The following CYP2B6 variants were observed in gnomAD, a reference collection of about 807,000 sequenced individuals.
CYP2B6 encodes cytochrome P450 2B6.
In CYP2B6, 35 loss-of-function variants were observed where a neutral mutation model predicts 43.4. The observed-to-expected ratio is 0.81, with a 90% CI of 0.62 to 1.07. The LOEUF (loss-of-function observed/expected upper bound fraction) is 1.07. CYP2B6 is among the 50% of genes least tolerant of loss of function. The pLI is 0.00. For synonymous variants in CYP2B6, 239 were observed against 239.2 expected (o/e 1.00, Z 0.01); for missense variants, 624 against 632.8 (o/e 0.99, Z 0.15).
At chr19:41,003,597 C>A (rs1386291937) in intron 1 of CYP2B6, among the ~76,000 whole-genome samples, 1 of 152,166 alleles carries the variant, frequency 6.6e-6, no homozygotes, top group Non-Finnish European at 1.5e-5. Context: ...GTTTAGGGCA[C>A]AAGCCAATCA....
intron 5 of CYP2B6, chr19:41,009,625 G>A: frequency 3.2e-6 from 2 of 623,298 alleles, no homozygotes; most frequent in Admixed American, 5.9e-5. Flanking sequence ...AGGGGAGGTG[G>A]GAAGACAGAA....
chr19:41,008,082 G>A (rs1269676653), intron 4 of CYP2B6, among the ~76,000 whole-genome samples: 156 of 150,420 alleles, frequency 1.0e-3, no homozygotes, highest in African/African-American at 3.7e-3. Flanking sequence ...TCCCCAGATT[G>A]TAAAGGCAGT....
chr19:40,992,201 C>CAAAAAA lies in CYP2B6; in HGVS notation c.171+740_171+745dup, dbSNP rs561830421. On this transcript the variant is annotated intron_variant, in intron 1 of 8. Transcript: ENST00000324071. ...TGGGTGACAGAGTGAGACTCCTTCT[C>CAAAAAA]AAAAAAAAAAAAAAAAAAAAGAATA... 3.1e-3 allele frequency among the ~76,000 whole-genome samples: 195 copies of CAAAAAA among 62,576 alleles called. 8 individuals carry two copies. The highest frequency in any genetic ancestry group is 9.0e-3 in the African/African-American group (165 of 18,384). The allele number at this position is 62,576 out of a possible 152,430, so 41.1% of individuals were successfully genotyped here.
At chr19:41,009,858 G>A in intron 5 of CYP2B6, 136 bp from the exon 6 acceptor site, 6 of 927,842 alleles carry the variant, frequency 6.5e-6, no homozygotes, top group South Asian at 2.8e-5. Flanking sequence ...ATGTGTAGAG[G>A]ACAGAGAAAA....
Position 41,009,339 on chromosome 19 carries a change from C to G in CYP2B6, c.766C>G (p.Leu256Val). 3 of 1,606,558 alleles carry G rather than the reference C, an allele frequency of 1.9e-6. No individual in the cohort carries two copies. The highest frequency in any genetic ancestry group is 2.6e-6 in the Non-Finnish European group (3 of 1,174,264). ...GHSVEKHRETLDPSAPKDLID... is the reference protein window; with the variant it reads ...GHSVEKHRETVDPSAPKDLID... ...CAGTGTGGAGAAGCACCGTGAAACCCTGGACCCCAGCGCCCCCAAGGACCT... is the reference window on the plus strand; with the variant it reads ...CAGTGTGGAGAAGCACCGTGAAACCGTGGACCCCAGCGCCCCCAAGGACCT... Residue 256 changes from leucine to valine, a missense_variant, in exon 5 of 9, where the codon CTG (leucine) becomes GTG (valine). Transcript: ENST00000324071.
rs1215515880 is a variant in CYP2B6, at chr19:41,006,294, A to C, written c.485-611A>C. 2.7e-5 allele frequency among the ~76,000 whole-genome samples: 4 copies of C among 149,314 alleles called. No individual in the cohort carries two copies. In the South Asian group the frequency reaches 8.4e-4, roughly 32 times the overall value. ...CAGCCCCTGGACTATTTCAACTGGG[A>C]CTACAGGCATGTGCCACCATGTCTA... is the stretch of plus-strand genomic sequence containing the variant. On this transcript the variant is annotated intron_variant, in intron 3 of 8. Transcript: ENST00000324071.
chr19:41,001,345 G>A (rs1310297206), intron 1 of CYP2B6, among the ~76,000 whole-genome samples: 1 of 152,034 alleles, frequency 6.6e-6, no homozygotes, highest in Non-Finnish European at 1.5e-5. Flanking sequence ...GGATCCTCTA[G>A]GTATTCACGA....
chr19:41,007,105 G>T, intron 4 of CYP2B6, 40 bp downstream of exon 4: 1 of 1,597,418 alleles, frequency 6.3e-7, no homozygotes, highest in Non-Finnish European at 8.6e-7. Context: ...TGGGGGTGAG[G>T]TGAACACCCA....
At chr19:40,999,367 A>G (rs1486249808) in intron 1 of CYP2B6, among the ~76,000 whole-genome samples, 1 of 151,612 alleles carries the variant, frequency 6.6e-6, no homozygotes, top group African/African-American at 2.4e-5. Context: ...CCCATTTTGT[A>G]GGTTGCCTGT....
Position 41,017,034 on chromosome 19 carries a change from A to G in CYP2B6, c.*207A>G. 2.6e-6 allele frequency: 1 copy of G among 380,728 alleles called. No homozygotes were observed. The highest frequency in any genetic ancestry group is 4.4e-5 in the East Asian group (1 of 22,494). 23.6% of individuals were successfully genotyped at this position (380,728 alleles called of 1,614,324 possible). On this transcript the variant is annotated 3_prime_UTR_variant, in exon 9 of 9. Coordinates refer to ENST00000324071, the MANE Select transcript of CYP2B6 (RefSeq NM_000767.5). ...ATCGAAAATTATAATATACAAAATC[A>G]TATATATATATATGTTCTTGTTTTT...
Position 41,016,826 on chromosome 19 carries a change from G to A in CYP2B6, c.1475G>A (p.Ter492=). ...TACCAGATCCGCTTCCTGCCCCGCT[G>A]AAGGGGCTGAGGGAAGGGGGTCAAA... ...PTYQIRFLPR[*] is the part of the protein sequence containing the mutation. Residue 492 remains the stop codon, a stop_retained_variant, in exon 9 of 9, where the codon TGA becomes TAA. Coordinates refer to ENST00000324071, the MANE Select transcript of CYP2B6 (RefSeq NM_000767.5). 2 of 1,613,780 alleles carry A rather than the reference G, an allele frequency of 1.2e-6. No individual in the cohort carries two copies. The highest frequency in any genetic ancestry group is 1.7e-6 in the Non-Finnish European group (2 of 1,179,804).
intron 1 of CYP2B6, among the ~76,000 whole-genome samples, chr19:41,001,249 C>T (rs1191179420): frequency 1.3e-5 from 2 of 152,030 alleles, no homozygotes; most frequent in Non-Finnish European, 1.5e-5. Context: ...AGCTGTGGCC[C>T]CCTCTTTTCC....
At chr19:41,006,681 C>T (rs1342532181) in intron 3 of CYP2B6, among the ~76,000 whole-genome samples, 1 of 152,062 alleles carries the variant, frequency 6.6e-6, no homozygotes, top group Non-Finnish European at 1.5e-5. Context: ...TCTCGGTCTG[C>T]CCATCTATAA....
chr19:40,997,503 C>A (rs1969015343), intron 1 of CYP2B6, among the ~76,000 whole-genome samples: 1 of 151,738 alleles, frequency 6.6e-6, no homozygotes, highest in Non-Finnish European at 1.5e-5. Context: ...TTAATGATAC[C>A]AAGTACAGAG....
intron 1 of CYP2B6, among the ~76,000 whole-genome samples, chr19:40,998,256 G>A (rs1014941681): frequency 2.0e-5 from 3 of 152,048 alleles, no homozygotes; most frequent in Non-Finnish European, 4.4e-5. Context: ...CACAAATCAT[G>A]CCTCTGTTAA....
At chr19:41,010,412 T>A (rs1285504270) in intron 6 of CYP2B6, among the ~76,000 whole-genome samples, 4 of 151,518 alleles carry the variant, frequency 2.6e-5, no homozygotes, top group Admixed American at 6.6e-5. Flanking sequence ...TTTTTTGGTT[T>A]TTTTTTTTTT....
At chr19:41,013,334 A>G (rs1568563686) in intron 8 of CYP2B6, among the ~76,000 whole-genome samples, 2 of 152,360 alleles carry the variant, frequency 1.3e-5, no homozygotes, top group South Asian at 2.1e-4. Flanking sequence ...CATAATTGTG[A>G]TAAGTGCTCT....
chr19:41,004,246 G>A, intron 2 of CYP2B6, 51 bp from the exon 3 acceptor site: 1 of 1,612,902 alleles, frequency 6.2e-7, no homozygotes, highest in Non-Finnish European at 8.5e-7. Context: ...AGGACTCAGA[G>A]CCTTCTTCCA....
intron 1 of CYP2B6, among the ~76,000 whole-genome samples, chr19:40,992,177 G>GGGT (rs1968929655): frequency 7.1e-6 from 1 of 140,160 alleles, no homozygotes; most frequent in Admixed American, 7.0e-5. Context: ...ACTCCATCCT[G>GGGT]GGTGACAGAG....
Sources: gnomAD v4.1 joint callset for allele counts (sites outside exome capture counted in the v4.1 genomes callset) on GRCh38, gnomAD v4.1.1 for gene constraint, MANE v1.5 for transcripts, NCBI Gene and HGNC (gene_info 2026-07-23, HGNC 2026-07-21) for gene names.